The following MYO1D variants were observed in gnomAD, a reference collection of about 807,000 sequenced individuals.
MYO1D encodes the protein myosin ID.
In MYO1D, 83 loss-of-function variants were observed where a neutral mutation model predicts 122.0. The observed-to-expected ratio is 0.68, with a 90% CI of 0.57 to 0.82. The LOEUF is 0.82. MYO1D is among the 40% of genes least tolerant of loss of function. The pLI is 0.00. For missense variants in MYO1D, 1,157 were observed against 1,269.5 expected (o/e 0.91, Z 1.35); for synonymous variants, 464 against 446.9 (o/e 1.04, Z -0.48).
rs545957611 is a variant in MYO1D, at chr17:32,813,910, C to T, written c.96-33126G>A. ...TGGGAGTGGAGATGGTGAGGACAGA[C>T]ATGAATCAAGAATAACTAGATTTCT... On this transcript the variant is annotated intron_variant, in intron 1 of 21. Transcript: ENST00000318217. Among the ~76,000 whole-genome samples the T allele has an allele frequency of 5.9e-5, 9 of 152,294 alleles. No individual in the cohort carries two copies. The South Asian group carries it at 1.7e-3, about 28-fold the overall frequency.
At position 32,772,817 on chromosome 17, in the gene MYO1D, C is replaced by T. The variant is rs765252418; in HGVS notation, c.590G>A (p.Gly197Glu). 6.2e-7 allele frequency: 1 copy of T among 1,613,546 alleles called. No homozygotes were observed. Among genetic ancestry groups the T allele is most frequent in the Non-Finnish European group, 8.5e-7 (1 of 1,179,454 alleles). ...ATAGAAAGAATGAAAGCTTCTTTCT[C>T]CTGGCTGTTGCACAATCACTCGAGA... Reference protein sequence around the residue: ...EKSRVIVQQPGERSFHSFYQL... With the variant: ...EKSRVIVQQPEERSFHSFYQL... The change falls in exon 5 of 22, where the codon GGA (glycine) becomes GAA (glutamate). Residue 197 changes from glycine (G) to glutamate (E), a missense_variant. By Grantham distance (98) the Gly-to-Glu change is moderately conservative. Coordinates refer to ENST00000318217, the MANE Select transcript of MYO1D (RefSeq NM_015194.3).
At chr17:32,573,356 A>G (rs2087248299) in intron 21 of MYO1D, among the ~76,000 whole-genome samples, 2 of 152,246 alleles carry the variant, frequency 1.3e-5, no homozygotes, top group South Asian at 2.1e-4. Context: ...TTGCTCTGTC[A>G]GTCTGTACCA....
intron 16 of MYO1D, among the ~76,000 whole-genome samples, chr17:32,681,133 C>T (rs2088910037): frequency 6.6e-6 from 1 of 151,592 alleles, no homozygotes; most frequent in African/African-American, 2.4e-5. Context: ...CTATTTGATT[C>T]TTCTCTCTTT....
chr17:32,699,193 G>A (rs1291895607), intron 16 of MYO1D, among the ~76,000 whole-genome samples: 2 of 151,936 alleles, frequency 1.3e-5, no homozygotes, highest in African/African-American at 2.4e-5. Flanking sequence ...TCGAACTCCC[G>A]ACCTCGTGAT....
At chr17:32,527,585 G>T (rs1388511947) in intron 21 of MYO1D, among the ~76,000 whole-genome samples, 1 of 152,104 alleles carries the variant, frequency 6.6e-6, no homozygotes, top group Non-Finnish European at 1.5e-5. Context: ...TTGAGCCCAG[G>T]AGTTTCAGAC....
intron 21 of MYO1D, among the ~76,000 whole-genome samples, chr17:32,533,922 A>T (rs193013882): frequency 6.6e-6 from 1 of 152,332 alleles, no homozygotes. Flanking sequence ...ATAAACAAAA[A>T]TTTTTAAATG....
At chr17:32,557,177 G>A (rs994205053) in intron 21 of MYO1D, among the ~76,000 whole-genome samples, 4 of 150,746 alleles carry the variant, frequency 2.7e-5, no homozygotes, top group Admixed American at 6.6e-5. Flanking sequence ...GGAGTTCAGT[G>A]GCGTGATCTC....
At chr17:32,697,270 G>A (rs2089184990) in intron 16 of MYO1D, among the ~76,000 whole-genome samples, 1 of 152,172 alleles carries the variant, frequency 6.6e-6, no homozygotes, top group Admixed American at 6.5e-5. Context: ...TAAAATGCAT[G>A]TGAGCACCTT....
intron 1 of MYO1D, among the ~76,000 whole-genome samples, chr17:32,857,902 A>G (rs1176002636): frequency 1.3e-5 from 2 of 152,182 alleles, no homozygotes; most frequent in African/African-American, 4.8e-5. Context: ...CATTCCATTT[A>G]TCTCCAATTA....
intron 16 of MYO1D, among the ~76,000 whole-genome samples, chr17:32,702,888 C>T (rs898723989): frequency 3.9e-5 from 6 of 152,116 alleles, no homozygotes; most frequent in African/African-American, 1.4e-4. Flanking sequence ...AACTGGAAAA[C>T]TCATAGCATG....
At chr17:32,638,353 G>A (rs1315852634) in intron 20 of MYO1D, among the ~76,000 whole-genome samples, 1 of 152,092 alleles carries the variant, frequency 6.6e-6, no homozygotes, top group Non-Finnish European at 1.5e-5. Flanking sequence ...ACATTTAAAA[G>A]AGAAAAAGTA....
intron 11 of MYO1D, among the ~76,000 whole-genome samples, chr17:32,752,589 C>A (rs2089908635): frequency 6.6e-6 from 1 of 151,914 alleles, no homozygotes; most frequent in Non-Finnish European, 1.5e-5. Flanking sequence ...ATCACATAAC[C>A]CCATTAAAAA....
intron 1 of MYO1D, among the ~76,000 whole-genome samples, chr17:32,821,967 C>A (rs1038774320): frequency 5.9e-5 from 9 of 152,120 alleles, no homozygotes; most frequent in Non-Finnish European, 1.5e-5. Flanking sequence ...TCAGTGTGGC[C>A]ATTCCTCAGG....
At chr17:32,561,327 T>C (rs2087123506) in intron 21 of MYO1D, among the ~76,000 whole-genome samples, 1 of 151,398 alleles carries the variant, frequency 6.6e-6, no homozygotes, top group South Asian at 2.1e-4. Context: ...AGTTCTTTTT[T>C]TGCTTCAATT....
intron 21 of MYO1D, among the ~76,000 whole-genome samples, chr17:32,563,983 C>T (rs115340876): frequency 0.012 from 1,890 of 152,328 alleles, 37 homozygotes; most frequent in African/African-American, 0.042. Context: ...ACAGTGAGAT[C>T]GATCCATCAA....
intron 1 of MYO1D, among the ~76,000 whole-genome samples, chr17:32,815,502 A>G (rs1342350645): frequency 6.6e-6 from 1 of 152,184 alleles, no homozygotes; most frequent in African/African-American, 2.4e-5. Flanking sequence ...TTTTCATGTT[A>G]GTTCTTATTC....
At chr17:32,713,400 G>T (rs1444160761) in intron 15 of MYO1D, among the ~76,000 whole-genome samples, 23 of 152,038 alleles carry the variant, frequency 1.5e-4, no homozygotes, top group Admixed American at 1.3e-3. Flanking sequence ...GTCCATCTGT[G>T]CATCACTACC....
intron 21 of MYO1D, among the ~76,000 whole-genome samples, chr17:32,520,483 G>C (rs542583892): frequency 2.0e-5 from 3 of 152,350 alleles, no homozygotes; most frequent in East Asian, 3.9e-4. Context: ...TTATCCATCA[G>C]GCAAAGTCCC....
At chr17:32,718,348 T>C (rs1005334358) in intron 15 of MYO1D, among the ~76,000 whole-genome samples, 4 of 152,214 alleles carry the variant, frequency 2.6e-5, no homozygotes, top group African/African-American at 9.6e-5. Flanking sequence ...TAGTTTTGCC[T>C]GCTCTTGAAC....
Sources: allele counts gnomAD v4.1 joint callset (sites outside exome capture counted in the v4.1 genomes callset), GRCh38; gene constraint gnomAD v4.1.1; transcripts MANE v1.5; gene names NCBI Gene and HGNC (gene_info 2026-07-23, HGNC 2026-07-21).